OCA2: variants seen among roughly 807,000 people sequenced by gnomAD.
OCA2 encodes OCA2 melanosomal transmembrane protein, also known as P protein.
OCA2 carries 77 observed loss-of-function variants against 100.2 expected under a neutral mutation model. That is an observed-to-expected ratio of 0.77 (90% CI 0.64 to 0.93). The LOEUF (loss-of-function observed/expected upper bound fraction) is 0.93, where lower values mean the gene tolerates loss of function less well. Among genes scored for constraint, OCA2 ranks in the 40% least tolerant of loss-of-function variants. OCA2 has a pLI of 0.00. For synonymous variants in OCA2, 432 were observed against 439.2 expected, an observed-to-expected ratio of 0.98 and a Z score of 0.21; for missense variants, 1,062 against 1,089.1, an observed-to-expected ratio of 0.98 and a Z score of 0.35.
At chr15:27,996,287 T>C (rs183359217) in intron 9 of OCA2, among the ~76,000 whole-genome samples, 94 of 152,338 alleles carry the variant, frequency 6.2e-4, no homozygotes, top group African/African-American at 1.8e-3. Flanking sequence ...ATTAGCCTGA[T>C]TGGATGACAC....
intron 21 of OCA2, among the ~76,000 whole-genome samples, chr15:27,869,863 C>T (rs1031198173): frequency 6.6e-6 from 1 of 152,114 alleles, no homozygotes; most frequent in Non-Finnish European, 1.5e-5. Flanking sequence ...CTGCCTGGGG[C>T]GCAGGGAGAG....
At position 28,014,799 on chromosome 15, in the gene OCA2, C is replaced by A; in HGVS notation, c.1021G>T (p.Val341Phe). 1 of 1,613,830 alleles carries A rather than the reference C, an allele frequency of 6.2e-7. No homozygotes were observed. Among genetic ancestry groups the A allele is most frequent in the Non-Finnish European group, 8.5e-7 (1 of 1,180,012 alleles). ...ACCTCAAATATGATCAGCGCGTAGA[C>A]GCCCGCGAGGATGGCCGTCGCGATG... ...VTIATAILAG[V>F]YALIIFEIVH... Residue 341 changes from valine to phenylalanine, a missense_variant, in exon 9 of 24, where the codon GTC (valine) becomes TTC (phenylalanine). Transcript: ENST00000354638.
At chr15:27,854,273 G>T (rs2035871167) in intron 21 of OCA2, among the ~76,000 whole-genome samples, 1 of 152,196 alleles carries the variant, frequency 6.6e-6, no homozygotes, top group Non-Finnish European at 1.5e-5. Context: ...GAGGACATGT[G>T]GAGCAGGGTC....
intron 19 of OCA2, among the ~76,000 whole-genome samples, chr15:27,922,787 T>A (rs371335474): frequency 1.0e-3 from 157 of 152,162 alleles, no homozygotes; most frequent in African/African-American, 3.5e-3. Flanking sequence ...ACCATCATTT[T>A]TTTTTTAATA....
chr15:27,939,891 C>T (rs1234673745), intron 18 of OCA2, among the ~76,000 whole-genome samples: 2 of 152,226 alleles, frequency 1.3e-5, no homozygotes, highest in Admixed American at 6.5e-5. Flanking sequence ...TAGCAAGTAA[C>T]GTTTACTCCT....
chr15:27,950,218 A>G (rs2039983576), intron 18 of OCA2, among the ~76,000 whole-genome samples: 1 of 152,196 alleles, frequency 6.6e-6, no homozygotes, highest in South Asian at 2.1e-4. Context: ...ATGTTCCTCT[A>G]AAGTAGACTC....
At chr15:27,888,645 T>C (rs1194224249) in intron 19 of OCA2, among the ~76,000 whole-genome samples, 4 of 152,110 alleles carry the variant, frequency 2.6e-5, no homozygotes, top group Admixed American at 2.6e-4. Context: ...AAATATACAA[T>C]AACAGAATTT....
intron 14 of OCA2, among the ~76,000 whole-genome samples, chr15:27,980,604 T>A (rs1020252466): frequency 6.6e-6 from 1 of 152,212 alleles, no homozygotes; most frequent in Non-Finnish European, 1.5e-5. Flanking sequence ...CTTTTCTATA[T>A]GAGAAAAAGT....
intron 19 of OCA2, among the ~76,000 whole-genome samples, chr15:27,922,679 G>GT (rs59334182): frequency 0.15 from 19,292 of 127,708 alleles, 1,893 homozygotes; most frequent in East Asian, 0.45. Flanking sequence ...TTTTTGTTTG[G>GT]GGTGTGTGTG....
At chr15:28,093,036 G>A (rs2044897265) in intron 1 of OCA2, among the ~76,000 whole-genome samples, 1 of 152,078 alleles carries the variant, frequency 6.6e-6, no homozygotes, top group Admixed American at 6.6e-5. Flanking sequence ...CACTAAGGAG[G>A]ATATGCACAC....
intron 2 of OCA2, among the ~76,000 whole-genome samples, chr15:28,064,821 A>ATTTAAATCC (rs2043975316): frequency 6.6e-6 from 1 of 150,938 alleles, no homozygotes; most frequent in African/African-American, 2.4e-5. Flanking sequence ...CATTTAAAGG[A>ATTTAAATCC]TTTAAATGGA....
chr15:27,879,037 G>A (rs1239916317), intron 19 of OCA2, among the ~76,000 whole-genome samples: 2 of 152,082 alleles, frequency 1.3e-5, no homozygotes, highest in East Asian at 3.9e-4. Context: ...GATCCAGTGT[G>A]GGTTGTTCCC....
intron 2 of OCA2, among the ~76,000 whole-genome samples, chr15:28,036,115 A>G (rs984074743): frequency 2.0e-5 from 3 of 152,188 alleles, no homozygotes; most frequent in Admixed American, 2.0e-4. Context: ...TTCTTCTACA[A>G]TGTGATTTTT....
intron 23 of OCA2, among the ~76,000 whole-genome samples, chr15:27,844,243 T>G (rs2035450794): frequency 1.3e-5 from 2 of 151,920 alleles, no homozygotes; most frequent in Non-Finnish European, 2.9e-5. Context: ...TCCTGAGAGG[T>G]GCCCACACAA....
the OCA2 span, among the ~76,000 whole-genome samples, chr15:27,748,625 T>C: frequency 6.6e-6 from 1 of 152,164 alleles, no homozygotes; most frequent in Non-Finnish European, 1.5e-5. Flanking sequence ...TTCCAGTATA[T>C]ATAGATCATC....
intron 23 of OCA2, among the ~76,000 whole-genome samples, chr15:27,759,437 G>A (rs1052844378): frequency 1.3e-5 from 2 of 151,940 alleles, no homozygotes; most frequent in Non-Finnish European, 2.9e-5. Flanking sequence ...TATGTTTGAT[G>A]GTTGAAACAA....
At chr15:27,738,326 C>T in the OCA2 span, among the ~76,000 whole-genome samples, 1 of 152,154 alleles carries the variant, frequency 6.6e-6, no homozygotes, top group Non-Finnish European at 1.5e-5. Context: ...CCTGAAGGAT[C>T]AAAATGAGCA....
At chr15:28,071,380 A>T (rs1177379566) in intron 2 of OCA2, among the ~76,000 whole-genome samples, 2 of 152,212 alleles carry the variant, frequency 1.3e-5, no homozygotes, top group African/African-American at 4.8e-5. Context: ...TTCCTATCAA[A>T]CTACCAACGT....
At chr15:27,815,977 C>CA (rs1471128719) in intron 23 of OCA2, among the ~76,000 whole-genome samples, 1 of 151,990 alleles carries the variant, frequency 6.6e-6, no homozygotes, top group South Asian at 2.1e-4. Flanking sequence ...ACTAAAAATA[C>CA]AAAAAAATTA....
Sources: gnomAD v4.1 joint callset for allele counts (sites outside exome capture counted in the v4.1 genomes callset) on GRCh38, gnomAD v4.1.1 for gene constraint, MANE v1.5 for transcripts, NCBI Gene and HGNC (gene_info 2026-07-23, HGNC 2026-07-21) for gene names.